Variants in SLC22A16 observed in about 807,000 individuals in gnomAD.
SLC22A16 encodes solute carrier family 22 member 16.
SLC22A16 carries 53 observed loss-of-function variants against 52.9 expected under a neutral mutation model. The observed-to-expected ratio is 1.00, with a 90% confidence interval of 0.80 to 1.26. The LOEUF (loss-of-function observed/expected upper bound fraction) is 1.26. Among genes scored for constraint, SLC22A16 ranks in the 50% most tolerant of loss-of-function variants. SLC22A16 has a pLI of 0.00. For missense variants in SLC22A16, 726 were observed against 704.0 expected (o/e 1.03, Z -0.35); for synonymous variants, 291 against 268.8 (o/e 1.08, Z -0.81).
intron 7 of SLC22A16, chr6:110,425,523 A>C (rs575415288): frequency 1.7e-6 from 1 of 596,090 alleles, no homozygotes; most frequent in South Asian, 1.9e-5. Context: ...CCCAATAATC[A>C]GTACACTATC....
chr6:110,437,404 T>C (rs1774777700), intron 5 of SLC22A16, among the ~76,000 whole-genome samples: 1 of 152,158 alleles, frequency 6.6e-6, no homozygotes, highest in Admixed American at 6.5e-5. Flanking sequence ...ACTACTTTTT[T>C]AAAGGTGTGG....
chr6:110,469,265 A>C (rs1034464043), intron 1 of SLC22A16, among the ~76,000 whole-genome samples: 3 of 152,328 alleles, frequency 2.0e-5, no homozygotes, highest in Non-Finnish European at 4.4e-5. Context: ...GCAGTGGCTC[A>C]TGCCTATAAT....
chr6:110,461,245 G>A (rs1775870803), intron 1 of SLC22A16, among the ~76,000 whole-genome samples: 1 of 152,186 alleles, frequency 6.6e-6, no homozygotes, highest in Admixed American at 6.5e-5. Context: ...CTGACCCGAG[G>A]CCATTTTGGT....
chr6:110,465,267 A>C (rs1250322939), intron 1 of SLC22A16, among the ~76,000 whole-genome samples: 1 of 152,040 alleles, frequency 6.6e-6, no homozygotes, highest in African/African-American at 2.4e-5. Context: ...ACAGCTCCTA[A>C]ATAGCACAGT....
chr6:110,476,023 T>C (rs925728199), intron 1 of SLC22A16: 19 of 455,484 alleles, frequency 4.2e-5, no homozygotes, highest in Non-Finnish European at 8.4e-5. Flanking sequence ...TATTAGGTTT[T>C]AATAAACGGC....
At chr6:110,463,847 A>G (rs991865392) in intron 1 of SLC22A16, among the ~76,000 whole-genome samples, 3 of 151,978 alleles carry the variant, frequency 2.0e-5, no homozygotes, top group East Asian at 3.9e-4. Flanking sequence ...CATTTTTCTC[A>G]TCTGTGCATA....
Position 110,456,978 on chromosome 6 carries a change from G to A in SLC22A16, c.93C>T (p.Asn31=), listed in dbSNP as rs1398516060. Residue 31 remains asparagine, a synonymous_variant, in exon 2 of 8, where the codon AAC becomes AAT. Transcript: ENST00000368919. ...CCAAGTAGTGAATACCACAAGAGAT[G>A]TTCTGGAAGGCACATATGAAATAGA... The part of the protein sequence containing the change: ...RVLYFICAFQ[N]ISCGIHYLAS... 3 of 1,566,968 alleles carry A rather than the reference G, an allele frequency of 1.9e-6. No homozygotes were observed. The highest frequency in any genetic ancestry group is 4.5e-5 in the East Asian group (2 of 44,388).
At chr6:110,441,915 C>A (rs1774981791) in intron 4 of SLC22A16, among the ~76,000 whole-genome samples, 1 of 152,102 alleles carries the variant, frequency 6.6e-6, no homozygotes, top group Admixed American at 6.6e-5. Flanking sequence ...ATTCTCAGGA[C>A]CCTCAGTTTT....
Position 110,447,009 on chromosome 6 carries a change from A to G in SLC22A16, c.534-19T>C, listed in dbSNP as rs1775203292. ...TCCTAGCCTGAAAAATAAGAGTCAC[A>G]CAGTGGAAGAGGAAAGGTAGAGTTG... is the stretch of plus-strand genomic sequence containing the variant. On this transcript the variant is annotated intron_variant, in intron 2 of 7. Transcript: ENST00000368919. The G allele has an allele frequency of 6.3e-7, 1 of 1,593,550 alleles. No individual in the cohort carries two copies.
intron 2 of SLC22A16, among the ~76,000 whole-genome samples, chr6:110,453,463 T>G (rs894397637): frequency 6.6e-6 from 1 of 152,210 alleles, no homozygotes; most frequent in African/African-American, 2.4e-5. Flanking sequence ...TAATCTGTAC[T>G]GTTTAAGGGA....
At position 110,424,943 on chromosome 6, in the gene SLC22A16, A is replaced by G. The variant is rs79354666; in HGVS notation, c.1664T>C (p.Leu555Pro). The G allele has an allele frequency of 2.0e-3, 3,181 of 1,614,122 alleles. 55 individuals carry two copies. In the African/African-American group the frequency reaches 0.037, roughly 19 times the overall value. ...ENESKSSKLL[L>P]TTNNSGLEKT... Reference sequence around the variant, plus strand: ...TTCCAGCCCACTATTATTAGTTGTGAGAAGTAATTTGCTTGACTTGCTTTC... The same window carrying G: ...TTCCAGCCCACTATTATTAGTTGTGGGAAGTAATTTGCTTGACTTGCTTTC... Residue 555 changes from leucine to proline, a missense_variant, in exon 8 of 8, where the codon CTC becomes CCC. Coordinates refer to ENST00000368919, the MANE Select transcript of SLC22A16 (RefSeq NM_033125.4).
intron 1 of SLC22A16, chr6:110,474,844 T>A (rs7767808): frequency 0.042 from 20,893 of 495,138 alleles, 3,596 homozygotes; most frequent in African/African-American, 0.37. Context: ...TCTGTTTGAT[T>A]GGGCACTTTA....
chr6:110,431,399 C>T (rs565338082), intron 6 of SLC22A16, 129 bp from the exon 7 acceptor site: 13 of 709,890 alleles, frequency 1.8e-5, no homozygotes, highest in African/African-American at 1.2e-4. Flanking sequence ...CGCATTACAA[C>T]GTTTCAGTCA....
intron 4 of SLC22A16, 151 bp from the exon 5 acceptor site, chr6:110,438,998 C>A: frequency 1.1e-6 from 1 of 909,944 alleles, no homozygotes; most frequent in Non-Finnish European, 1.6e-6. Context: ...GCGAGGCAGC[C>A]AGCCCCGCCA....
Position 110,442,687 on chromosome 6 carries a change from T to C in SLC22A16, c.740A>G (p.His247Arg), listed in dbSNP as rs779323929. 2 of 1,614,090 alleles carry C rather than the reference T, an allele frequency of 1.2e-6. No individual in the cohort carries two copies. Among genetic ancestry groups the C allele is most frequent in the African/African-American group, 1.3e-5 (1 of 75,028 alleles). Residue 247 changes from histidine to arginine, a missense_variant, in exon 4 of 8, where the codon CAT (histidine) becomes CGT (arginine). His to Arg is a conservative substitution (Grantham distance 29). Transcript: ENST00000368919. Reference sequence around the variant, plus strand: ...CAGGGTTCCAACTGCAAAAAAGGAATGCAAATGGACAGACGCCCATGTCCG... The same window carrying C: ...CAGGGTTCCAACTGCAAAAAAGGAACGCAAATGGACAGACGCCCATGTCCG... ...KSRTWASVHLHSFFAVGTLLV... is the reference protein window; with the variant it reads ...KSRTWASVHLRSFFAVGTLLV...
intron 1 of SLC22A16, among the ~76,000 whole-genome samples, chr6:110,457,888 A>T (rs1445855852): frequency 6.6e-6 from 1 of 152,056 alleles, no homozygotes; most frequent in East Asian, 1.9e-4. Context: ...CAGGAAAGGG[A>T]GTCTCCCTTT....
chr6:110,428,850 G>C (rs944465052), intron 7 of SLC22A16, among the ~76,000 whole-genome samples: 1 of 152,182 alleles, frequency 6.6e-6, no homozygotes, highest in African/African-American at 2.4e-5. Context: ...AACCTGGGAG[G>C]TGGAGGTTGC....
chr6:110,469,696 T>C (rs1776195221), intron 1 of SLC22A16, among the ~76,000 whole-genome samples: 1 of 152,236 alleles, frequency 6.6e-6, no homozygotes, highest in Non-Finnish European at 1.5e-5. Context: ...ATCGCTGATG[T>C]AAATAAAGTG....
chr6:110,439,608 G>C (rs1193950583), intron 4 of SLC22A16, among the ~76,000 whole-genome samples: 2 of 152,170 alleles, frequency 1.3e-5, no homozygotes, highest in Non-Finnish European at 2.9e-5. Flanking sequence ...ATAACCAGAT[G>C]TGCCGTCAGA....
Sources: allele counts gnomAD v4.1 joint callset (sites outside exome capture counted in the v4.1 genomes callset), GRCh38; gene constraint gnomAD v4.1.1; transcripts MANE v1.5; gene names NCBI Gene and HGNC (gene_info 2026-07-23, HGNC 2026-07-21).